RANGRF: variants seen among roughly 807,000 people sequenced by gnomAD.
RANGRF encodes RAN guanine nucleotide release factor.
Under a neutral mutation model 21.8 loss-of-function variants are expected in RANGRF, and 17 were observed. The observed-to-expected ratio is 0.78, with a 90% CI of 0.53 to 1.17. The LOEUF (loss-of-function observed/expected upper bound fraction) is 1.17. RANGRF is among the 50% of genes most tolerant of loss of function. The pLI is 0.00. For missense variants in RANGRF, 225 were observed against 235.5 expected, an observed-to-expected ratio of 0.96 and a Z score of 0.29; for synonymous variants, 97 against 94.3, an observed-to-expected ratio of 1.03 and a Z score of -0.17.
At chr17:8,289,645 T>C in intron 4 of RANGRF, 57 bp downstream of exon 4, 1 of 1,606,172 alleles carries the variant, frequency 6.2e-7, no homozygotes, top group Non-Finnish European at 8.5e-7. Context: ...AGAATCGGGC[T>C]GGGAGGGACA....
chr17:8,289,890 T>C lies in RANGRF; in HGVS notation c.515T>C (p.Val172Ala), dbSNP rs1990347629. 6.2e-7 allele frequency: 1 copy of C among 1,614,166 alleles called. No homozygotes were observed. Among genetic ancestry groups the C allele is most frequent in the Non-Finnish European group, 8.5e-7 (1 of 1,180,020 alleles). ...PWSLGDFEQL[V>A]TSLTLHDPNI... Reference sequence around the variant, plus strand: ...AGCCTGGGTGACTTTGAACAGCTGGTGACCAGTCTGACCCTTCACGATCCT... The same window carrying C: ...AGCCTGGGTGACTTTGAACAGCTGGCGACCAGTCTGACCCTTCACGATCCT... Residue 172 changes from valine to alanine, a missense_variant, in exon 5 of 5, where the codon GTG (valine) becomes GCG (alanine). Physicochemically the swap from Val to Ala is moderately conservative, Grantham distance 64. Coordinates refer to ENST00000226105, the MANE Select transcript of RANGRF (RefSeq NM_016492.5).
chr17:8,289,132 C>T, intron 2 of RANGRF, 60 bp downstream of exon 2: 9 of 1,602,348 alleles, frequency 5.6e-6, no homozygotes, highest in Non-Finnish European at 7.7e-6. Flanking sequence ...GTGGGCGGGG[C>T]CCGCGGCCGA....
Position 8,289,489 on chromosome 17 carries a change from TC to T in RANGRF, c.352-13del. On this transcript the variant is annotated splice_polypyrimidine_tract_variant and intron_variant, in intron 3 of 4. Transcript: ENST00000226105. ...CAGAGATCCAGGTAAGCATCCTGAC[TC>T]TGATCCCCTTAGGTAGCAAAGGACG... 6.2e-7 allele frequency: 1 copy of T among 1,614,158 alleles called. No homozygotes were observed. The highest frequency in any genetic ancestry group is 1.3e-5 in the African/African-American group (1 of 75,040).
rs1990278273 is a variant in RANGRF at position 8,289,171 on chromosome 17, C to CG, written c.195-84dup. 5 of 1,600,934 alleles carry CG rather than the reference C, an allele frequency of 3.1e-6. No individual in the cohort carries two copies. In the African/African-American group the frequency reaches 6.7e-5, roughly 21 times the overall value. ...TTAATCCGGGCGGTGAGACCACGCA[C>CG]GGGCCGGGAGCCAGGCCTGCAACTT... On this transcript the variant is annotated intron_variant, in intron 2 of 4. Transcript: ENST00000226105.
chr17:8,289,761 C>G (rs1597442308), intron 4 of RANGRF, 52 bp from the exon 5 acceptor site: 1 of 1,613,682 alleles, frequency 6.2e-7, no homozygotes, highest in Non-Finnish European at 8.5e-7. Flanking sequence ...TGGCAATTTC[C>G]AAACCTCAGG....
Position 8,289,089 on chromosome 17 carries a change from C to G in RANGRF, c.194+17C>G, listed in dbSNP as rs900678508. On this transcript the variant is annotated intron_variant, in intron 2 of 4. Transcript: ENST00000226105. ...GGCTGCGCGGTGAGGGAATGGCCCC[C>G]GGCTGGCCAATGGCAGGGGCGGGGT... is the stretch of plus-strand genomic sequence containing the variant. 17 of 1,612,232 alleles carry G rather than the reference C, an allele frequency of 1.1e-5. No homozygotes were observed. The highest frequency in any genetic ancestry group is 1.4e-5 in the Non-Finnish European group (16 of 1,179,318).
In RANGRF at chr17:8,288,734, C is replaced by A; in HGVS notation, c.-55C>A. The A allele has an allele frequency of 6.3e-7, 1 of 1,589,310 alleles. No individual in the cohort carries two copies. Among genetic ancestry groups the A allele is most frequent in the Non-Finnish European group, 8.6e-7 (1 of 1,157,864 alleles). ...AACCCAGGGAGCCGATGCCACGTGACCCAATGTGGACTTCTTTTAAACCTT... is the reference window on the plus strand; with the variant it reads ...AACCCAGGGAGCCGATGCCACGTGAACCAATGTGGACTTCTTTTAAACCTT... On this transcript the variant is annotated 5_prime_UTR_variant, in exon 1 of 5. Coordinates refer to ENST00000226105, the MANE Select transcript of RANGRF (RefSeq NM_016492.5).
At chr17:8,289,115 C>A in intron 2 of RANGRF, 43 bp downstream of exon 2, 3 of 1,605,534 alleles carry the variant, frequency 1.9e-6, no homozygotes, top group Non-Finnish European at 2.6e-6. Context: ...GGGGCGGGGT[C>A]GGACCAGTGG....
Position 8,289,483 on chromosome 17 carries a change from C to G in RANGRF, c.352-20C>G. 6.2e-7 allele frequency: 1 copy of G among 1,614,136 alleles called. No individual in the cohort carries two copies. The highest frequency in any genetic ancestry group is 8.5e-7 in the Non-Finnish European group (1 of 1,180,030). Reference sequence around the variant, plus strand: ...GGGACGCAGAGATCCAGGTAAGCATCCTGACTCTGATCCCCTTAGGTAGCA... The same window carrying G: ...GGGACGCAGAGATCCAGGTAAGCATGCTGACTCTGATCCCCTTAGGTAGCA... On this transcript the variant is annotated intron_variant, in intron 3 of 4. Transcript: ENST00000226105.
Position 8,289,909 on chromosome 17 carries a change from C to T in RANGRF, c.534C>T (p.His178=), listed in dbSNP as rs746275946. ...FEQLVTSLTL[H]DPNIFGPQ is the part of the protein sequence containing the mutation. The stretch of plus-strand genomic sequence containing the variant: ...AGCTGGTGACCAGTCTGACCCTTCA[C>T]GATCCTAACATCTTTGGTCCCCAGT... The change falls in exon 5 of 5, where the codon CAC becomes CAT. Residue 178 remains histidine (H), a synonymous_variant. Coordinates refer to ENST00000226105, the MANE Select transcript of RANGRF (RefSeq NM_016492.5). 28 of 1,614,156 alleles carry T rather than the reference C, an allele frequency of 1.7e-5. No homozygotes were observed. Among genetic ancestry groups the T allele is most frequent in the Non-Finnish European group, 2.3e-5 (27 of 1,180,030 alleles).
rs762555619 is a variant in RANGRF at position 8,289,036 on chromosome 17, A to T, written c.158A>T (p.Glu53Val). Residue 53 changes from glutamate (E) to valine (V), a missense_variant, in exon 2 of 5, where the codon GAG (glutamate) becomes GTG (valine). Glu to Val is a moderately radical substitution (Grantham distance 121). Transcript: ENST00000226105. The stretch of plus-strand genomic sequence containing the variant: ...CAGAGCCTGATAGTGGAACTTCTCG[A>T]GCTGCAGGCCCACGTACGGGGCGAA... ...TDQSLIVELL[E>V]LQAHVRGEAA... 1.9e-6 allele frequency: 3 copies of T among 1,613,972 alleles called. No homozygotes were observed. The highest frequency in any genetic ancestry group is 1.7e-6 in the Non-Finnish European group (2 of 1,180,018).
rs1990318475 is a variant in RANGRF at position 8,289,608 on chromosome 17, C to CGGGTATCTCATGACT, written c.437+25_437+39dup. On this transcript the variant is annotated intron_variant, in intron 4 of 4. Coordinates refer to ENST00000226105, the MANE Select transcript of RANGRF (RefSeq NM_016492.5). ...GCCCCCGTAAGGAGGAAGGAACGGG[C>CGGGTATCTCATGACT]GGGTATCTCATGACTGGGTTCCCAG... The CGGGTATCTCATGACT allele has an allele frequency of 6.2e-7, 1 of 1,609,378 alleles. No individual in the cohort carries two copies. The highest frequency in any genetic ancestry group is 1.7e-5 in the Admixed American group (1 of 59,888).
chr17:8,288,890 G>C (rs1299181504), intron 1 of RANGRF, 25 bp downstream of exon 1: 1 of 1,614,038 alleles, frequency 6.2e-7, no homozygotes, highest in Non-Finnish European at 8.5e-7. Flanking sequence ...GCGCCCAGGG[G>C]CGGCTGACTG....
intron 2 of RANGRF, 51 bp downstream of exon 2, chr17:8,289,123 T>TGGGCG (rs753655214): frequency 6.2e-7 from 1 of 1,604,412 alleles, no homozygotes; most frequent in Admixed American, 1.7e-5. Flanking sequence ...GTCGGACCAG[T>TGGGCG]GGGCGGGGCC....
chr17:8,288,706 C>A lies in RANGRF; in HGVS notation c.-83C>A, dbSNP rs557386472. On this transcript the variant is annotated 5_prime_UTR_variant, in exon 1 of 5. Transcript: ENST00000226105. ...CAGACCCGGGTGGCGGTGGCAGCTG[C>A]GAAACCCAGGGAGCCGATGCCACGT... 36 of 1,512,608 alleles carry A rather than the reference C, an allele frequency of 2.4e-5. No individual in the cohort carries two copies. Among genetic ancestry groups the A allele is most frequent in the Admixed American group, 3.3e-5 (2 of 59,874 alleles). The allele number at this position is 1,512,608 out of a possible 1,614,324, so 93.7% of individuals were successfully genotyped here.
At chr17:8,289,669 C>A (rs140531156) in intron 4 of RANGRF, 81 bp downstream of exon 4, 2 of 1,606,216 alleles carry the variant, frequency 1.2e-6, no homozygotes, top group African/African-American at 1.3e-5. Flanking sequence ...CAGGGAGACT[C>A]ACTGGTGGGA....
At position 8,289,855 on chromosome 17, in the gene RANGRF, TGCACCCTGGA is replaced by T; in HGVS notation, c.483_492del (p.Pro162TrpfsTer8). The T allele has an allele frequency of 6.2e-7, 1 of 1,614,174 alleles. No homozygotes were observed. The highest frequency in any genetic ancestry group is 8.5e-7 in the Non-Finnish European group (1 of 1,180,042). On this transcript the variant is annotated frameshift_variant, in exon 5 of 5. Coordinates refer to ENST00000226105, the MANE Select transcript of RANGRF (RefSeq NM_016492.5). LOFTEE classifies it high-confidence loss of function. The stretch of plus-strand genomic sequence containing the variant: ...CTCTTGGCCCCGAAAATCTGTCACC[TGCACCCTGGA>T]GCCTGGGTGACTTTGAACAGCTGGT...
At position 8,289,991 on chromosome 17, in the gene RANGRF, G is replaced by C. The variant is rs1990358187; in HGVS notation, c.*55G>C. On this transcript the variant is annotated 3_prime_UTR_variant, in exon 5 of 5. Coordinates refer to ENST00000226105, the MANE Select transcript of RANGRF (RefSeq NM_016492.5). Reference sequence around the variant, plus strand: ...AGAACTTGGGGACTCGGTTCTGTGAGGGGGAAAAGAGGTTGAAAAGAGGGT... The same window carrying C: ...AGAACTTGGGGACTCGGTTCTGTGACGGGGAAAAGAGGTTGAAAAGAGGGT... 5 of 1,610,582 alleles carry C rather than the reference G, an allele frequency of 3.1e-6. No individual in the cohort carries two copies. The highest frequency in any genetic ancestry group is 4.2e-6 in the Non-Finnish European group (5 of 1,177,002).
In RANGRF at chr17:8,289,813, C is replaced by T; in HGVS notation, c.438C>T (p.Pro146=). Residue 146 remains proline (P), a splice_region_variant and synonymous_variant, in exon 5 of 5, where the codon CCC becomes CCT. Coordinates refer to ENST00000226105, the MANE Select transcript of RANGRF (RefSeq NM_016492.5). The part of the protein sequence containing the change: ...TDLLLTFNQP[P]PDNRSSLGPE... ...TCTCCATCTGTTCCCCCACCCCAAG[C>T]CCTGACAACAGGTCATCTCTTGGCC... 1 of 1,613,916 alleles carries T rather than the reference C, an allele frequency of 6.2e-7. No homozygotes were observed. Among genetic ancestry groups the T allele is most frequent in the Non-Finnish European group, 8.5e-7 (1 of 1,180,030 alleles).
Sources: allele counts gnomAD v4.1 joint callset, GRCh38; gene constraint gnomAD v4.1.1; transcripts MANE v1.5; gene names NCBI Gene and HGNC (gene_info 2026-07-23, HGNC 2026-07-21).